The following SSBP3 variants were observed in gnomAD, a reference collection of about 807,000 sequenced individuals.
SSBP3 encodes single stranded DNA binding protein 3, also known as single-stranded DNA-binding protein 3.
A neutral mutation model predicts 69.6 loss-of-function variants in SSBP3; 5 were observed. The observed-to-expected ratio is 0.07, with a 90% confidence interval of 0.04 to 0.15. The LOEUF (loss-of-function observed/expected upper bound fraction) is 0.15, where lower values mean the gene tolerates loss of function less well. Among genes scored for constraint, SSBP3 ranks in the 10% least tolerant of loss-of-function variants. SSBP3 has a pLI of 1.00. For missense variants in SSBP3, 312 were observed against 534.0 expected, an observed-to-expected ratio of 0.58 and a Z score of 4.10; for synonymous variants, 196 against 193.4, an observed-to-expected ratio of 1.01 and a Z score of -0.11.
At chr1:54,233,304 C>T (rs1337385003) in intron 14 of SSBP3, among the ~76,000 whole-genome samples, 10 of 150,300 alleles carry the variant, frequency 6.7e-5, no homozygotes, top group East Asian at 6.0e-4. Flanking sequence ...CGCCTCTGCC[C>T]GGCCGCGACC....
At chr1:54,383,832 C>A (rs1275033005) in intron 4 of SSBP3, among the ~76,000 whole-genome samples, 1 of 152,138 alleles carries the variant, frequency 6.6e-6, no homozygotes, top group Non-Finnish European at 1.5e-5. Context: ...ACCGGCCGGG[C>A]ACGGTGGCTC....
chr1:54,325,983 A>G (rs1324344333), intron 4 of SSBP3, among the ~76,000 whole-genome samples: 4 of 133,970 alleles, frequency 3.0e-5, no homozygotes, highest in Non-Finnish European at 6.2e-5. Flanking sequence ...GCAGCCTGTC[A>G]CACCTTCATG....
chr1:54,256,471 C>T (rs1322608265), intron 7 of SSBP3, among the ~76,000 whole-genome samples: 1 of 152,134 alleles, frequency 6.6e-6, no homozygotes, highest in African/African-American at 2.4e-5. Context: ...TCCAGACCAC[C>T]TAGAATTGCC....
At chr1:54,384,944 C>T (rs2297573) in intron 4 of SSBP3, among the ~76,000 whole-genome samples, 1 of 152,096 alleles carries the variant, frequency 6.6e-6, no homozygotes, top group Non-Finnish European at 1.5e-5. Context: ...CTCCAGTTGT[C>T]GACACACCCT....
At chr1:54,316,663 AATAAATAAATAAAT>A (rs1557525315) in intron 4 of SSBP3, among the ~76,000 whole-genome samples, 3,490 of 33,376 alleles carry the variant, frequency 0.1, 295 homozygotes, top group Admixed American at 0.16. Context: ...AAAAAAATAA[AATAAATAAATAAAT>A]AAATAAATAA....
intron 5 of SSBP3, among the ~76,000 whole-genome samples, chr1:54,278,104 G>A (rs959680522): frequency 3.3e-5 from 5 of 152,136 alleles, no homozygotes; most frequent in Non-Finnish European, 4.4e-5. Flanking sequence ...GCAAGTATGC[G>A]GCCAAGTCCT....
At chr1:54,290,714 C>A (rs1170763558) in intron 4 of SSBP3, among the ~76,000 whole-genome samples, 1 of 152,170 alleles carries the variant, frequency 6.6e-6, no homozygotes, top group East Asian at 1.9e-4. Flanking sequence ...AGCCAGTGCA[C>A]CCTCCTCCAC....
At chr1:54,291,892 G>A (rs955175848) in intron 4 of SSBP3, among the ~76,000 whole-genome samples, 2 of 152,208 alleles carry the variant, frequency 1.3e-5, no homozygotes, top group African/African-American at 2.4e-5. Context: ...GTGCGAGCCC[G>A]CATCCTGCTC....
At chr1:54,334,845 C>G (rs145496290) in intron 4 of SSBP3, among the ~76,000 whole-genome samples, 1 of 152,190 alleles carries the variant, frequency 6.6e-6, no homozygotes, top group Non-Finnish European at 1.5e-5. Flanking sequence ...TCTCACTTGC[C>G]GTTCAAATGA....
At chr1:54,226,813 A>T (rs955839674) in exon 18 of SSBP3, 5 of 293,706 alleles carry the variant, frequency 1.7e-5, no homozygotes, top group African/African-American at 9.1e-5. Flanking sequence ...CCAAACAAAA[A>T]ACAACAAAAA....
At chr1:54,341,885 G>A (rs1009704813) in intron 4 of SSBP3, among the ~76,000 whole-genome samples, 9 of 152,108 alleles carry the variant, frequency 5.9e-5, no homozygotes, top group East Asian at 1.9e-4. Flanking sequence ...CACCTTCCAC[G>A]CAGAAGGAAC....
intron 4 of SSBP3, among the ~76,000 whole-genome samples, chr1:54,390,038 C>G (rs1434317929): frequency 6.6e-6 from 1 of 151,950 alleles, no homozygotes. Context: ...TAGACAAAAC[C>G]TAAAGCACTT....
intron 4 of SSBP3, among the ~76,000 whole-genome samples, chr1:54,298,930 AACACACACACACAC>A (rs10525954): frequency 1.5e-5 from 2 of 137,174 alleles, no homozygotes; most frequent in African/African-American, 2.7e-5. Flanking sequence ...ACAAAAACAA[AACACACACACACAC>A]ACACACACAC....
chr1:54,286,222 C>T (rs1645487344), intron 4 of SSBP3: 1 of 152,182 alleles, frequency 6.6e-6, no homozygotes, highest in Non-Finnish European at 1.5e-5. Flanking sequence ...AATGCTTATC[C>T]ACTTTTTGGA....
intron 4 of SSBP3, among the ~76,000 whole-genome samples, chr1:54,347,918 T>C (rs1646715476): frequency 6.6e-6 from 1 of 152,182 alleles, no homozygotes. Context: ...GCCACCTAGT[T>C]TGTGGTACTT....
chr1:54,284,032 T>G (rs1645443084), intron 4 of SSBP3, among the ~76,000 whole-genome samples: 1 of 152,214 alleles, frequency 6.6e-6, no homozygotes, highest in South Asian at 2.1e-4. Flanking sequence ...TCTACATTTT[T>G]CTTCAGGTTC....
intron 17 of SSBP3, 133 bp downstream of exon 17, chr1:54,228,122 C>CT: frequency 2.4e-6 from 2 of 846,188 alleles, no homozygotes; most frequent in African/African-American, 3.4e-5. Flanking sequence ...AAAAAAATAA[C>CT]TGAGGTGGAA....
intron 14 of SSBP3, chr1:54,238,826 C>T (rs1316321668): frequency 9.6e-6 from 4 of 414,586 alleles, no homozygotes; most frequent in East Asian, 1.2e-4. Flanking sequence ...AGGCCAGACC[C>T]CACCTACAGC....
chr1:54,230,689 C>A (rs1432702197), intron 14 of SSBP3, among the ~76,000 whole-genome samples: 1 of 152,154 alleles, frequency 6.6e-6, no homozygotes, highest in Non-Finnish European at 1.5e-5. Flanking sequence ...TCCTCCAACG[C>A]CCCCGGCCCC....
Sources: allele counts gnomAD v4.1 joint callset (sites outside exome capture counted in the v4.1 genomes callset), GRCh38; gene constraint gnomAD v4.1.1; transcripts MANE v1.5; gene names NCBI Gene and HGNC (gene_info 2026-07-23, HGNC 2026-07-21).